Variants in SPIDR observed in about 807,000 individuals in gnomAD.
SPIDR encodes DNA repair-scaffolding protein.
Under a neutral mutation model 104.6 loss-of-function variants are expected in SPIDR, and 93 were observed. The observed-to-expected ratio is 0.89, with a 90% CI of 0.75 to 1.06. SPIDR has a LOEUF of 1.06. SPIDR is among the 50% of genes least tolerant of loss of function. The pLI, the probability that SPIDR is intolerant of heterozygous loss-of-function variation, is 0.00. For synonymous variants in SPIDR, 431 were observed against 416.9 expected (o/e 1.03, Z -0.41); for missense variants, 1,154 against 1,111.2 (o/e 1.04, Z -0.55).
chr8:47,675,982 G>A (rs2076393276), intron 11 of SPIDR, among the ~76,000 whole-genome samples: 1 of 152,244 alleles, frequency 6.6e-6, no homozygotes, highest in Admixed American at 6.5e-5. Flanking sequence ...GGATGTTCCA[G>A]CTGTGCTCCA....
chr8:47,650,472 C>T (rs2071410437), intron 10 of SPIDR, among the ~76,000 whole-genome samples: 1 of 152,100 alleles, frequency 6.6e-6, no homozygotes, highest in Non-Finnish European at 1.5e-5. Context: ...CAAATGTAAG[C>T]ACGTCTCGTC....
intron 10 of SPIDR, among the ~76,000 whole-genome samples, chr8:47,619,070 A>G (rs971160978): frequency 5.9e-5 from 9 of 152,252 alleles, no homozygotes; most frequent in Admixed American, 1.3e-4. Flanking sequence ...TTGAATTTTG[A>G]ACTATGTGAA....
intron 5 of SPIDR, among the ~76,000 whole-genome samples, chr8:47,356,558 G>C (rs1057020750): frequency 6.6e-5 from 10 of 152,196 alleles, no homozygotes; most frequent in African/African-American, 2.2e-4. Context: ...TTGGTCATTT[G>C]AAAACCTATT....
At chr8:47,387,159 C>A (rs2060048645) in intron 5 of SPIDR, among the ~76,000 whole-genome samples, 1 of 152,110 alleles carries the variant, frequency 6.6e-6, no homozygotes, top group African/African-American at 2.4e-5. Context: ...ATGGCATCCA[C>A]AGGCAGGGAA....
At chr8:47,674,485 C>T (rs1056757851) in intron 11 of SPIDR, among the ~76,000 whole-genome samples, 2 of 151,770 alleles carry the variant, frequency 1.3e-5, no homozygotes, top group Admixed American at 1.3e-4. Flanking sequence ...AGTAATCATT[C>T]TAATCTATGA....
intron 8 of SPIDR, among the ~76,000 whole-genome samples, chr8:47,468,168 G>A (rs1383402217): frequency 6.6e-6 from 1 of 152,004 alleles, no homozygotes; most frequent in African/African-American, 2.4e-5. Context: ...AGATCTCTAC[G>A]AGTACTACAA....
In SPIDR at chr8:47,638,156, T is replaced by C. The variant is rs554898356; in HGVS notation, c.1545-35645T>C. ...TGTTTTGTTTTGAGTACTTCTTTAC[T>C]CCCTGTCACTGTAAGATGTGCTAGG... On this transcript the variant is annotated intron_variant, in intron 10 of 19. Coordinates refer to ENST00000297423, the MANE Select transcript of SPIDR (RefSeq NM_001080394.4). 2.6e-5 allele frequency among the ~76,000 whole-genome samples: 4 copies of C among 152,304 alleles called. 1 individual carries two copies. The East Asian group carries it at 7.7e-4, about 29-fold the overall frequency.
At chr8:47,350,719 A>G (rs112170170) in intron 5 of SPIDR, among the ~76,000 whole-genome samples, 2 of 152,212 alleles carry the variant, frequency 1.3e-5, no homozygotes, top group South Asian at 2.1e-4. Flanking sequence ...TCATCATACT[A>G]TGGTCAAGAA....
intron 10 of SPIDR, among the ~76,000 whole-genome samples, chr8:47,639,218 G>A (rs533852091): frequency 1.3e-5 from 2 of 152,290 alleles, no homozygotes; most frequent in African/African-American, 2.4e-5. Flanking sequence ...AATCGTCCAC[G>A]TGTGCTCCTT....
intron 10 of SPIDR, among the ~76,000 whole-genome samples, chr8:47,655,571 T>C (rs561344861): frequency 5.3e-5 from 8 of 152,334 alleles, no homozygotes; most frequent in Admixed American, 1.3e-4. Context: ...TTGATGGGGT[T>C]GTTTGTTTTT....
At chr8:47,583,392 G>C (rs370723902) in intron 8 of SPIDR, among the ~76,000 whole-genome samples, 1 of 151,548 alleles carries the variant, frequency 6.6e-6, no homozygotes, top group Non-Finnish European at 1.5e-5. Context: ...GACTTATCAC[G>C]TGAGATTTAA....
chr8:47,472,927 CT>C (rs1671676455), intron 8 of SPIDR, among the ~76,000 whole-genome samples: 1 of 152,208 alleles, frequency 6.6e-6, no homozygotes, highest in African/African-American at 2.4e-5. Flanking sequence ...AACAATTTCA[CT>C]GCTTAAGAAA....
At chr8:47,491,204 A>G (rs2078652508) in intron 8 of SPIDR, among the ~76,000 whole-genome samples, 1 of 152,152 alleles carries the variant, frequency 6.6e-6, no homozygotes, top group Non-Finnish European at 1.5e-5. Flanking sequence ...TTACTGAAGC[A>G]ATAGTTTTCA....
chr8:47,604,953 G>T (rs182330540), intron 10 of SPIDR, among the ~76,000 whole-genome samples: 2 of 152,158 alleles, frequency 1.3e-5, no homozygotes, highest in East Asian at 3.9e-4. Context: ...TTTTGTTTGC[G>T]GGTGTCAGCA....
At chr8:47,279,778 T>A in intron 1 of SPIDR, 84 bp from the exon 2 acceptor site, 4 of 1,363,108 alleles carry the variant, frequency 2.9e-6, no homozygotes, top group Non-Finnish European at 4.0e-6. Flanking sequence ...GTTTTCAGAT[T>A]GTAAATTGTG....
chr8:47,498,621 A>G lies in SPIDR; in HGVS notation c.1097+58079A>G, dbSNP rs1045450186. 4.6e-5 allele frequency among the ~76,000 whole-genome samples: 7 copies of G among 152,158 alleles called. 1 individual carries two copies. The highest frequency in any genetic ancestry group is 4.1e-4 in the South Asian group (2 of 4,826). ...TTGACTGTTACTGCTGGTATATCCT[A>G]GATACTCTGTGCTATTTTCTGGGCT... On this transcript the variant is annotated intron_variant, in intron 8 of 19. Coordinates refer to ENST00000297423, the MANE Select transcript of SPIDR (RefSeq NM_001080394.4).
intron 8 of SPIDR, among the ~76,000 whole-genome samples, chr8:47,474,453 T>C (rs1446817251): frequency 3.3e-5 from 5 of 152,238 alleles, no homozygotes; most frequent in Admixed American, 6.5e-5. Context: ...TGCCTATTAT[T>C]CTAGCCCCAG....
intron 5 of SPIDR, among the ~76,000 whole-genome samples, chr8:47,302,429 C>A (rs1245864399): frequency 6.6e-6 from 1 of 152,060 alleles, no homozygotes; most frequent in African/African-American, 2.4e-5. Context: ...TCGTCTGAAG[C>A]CTTCTTCTCT....
intron 5 of SPIDR, among the ~76,000 whole-genome samples, chr8:47,393,839 C>G (rs926434406): frequency 4.1e-5 from 6 of 145,774 alleles, no homozygotes; most frequent in Non-Finnish European, 8.9e-5. Flanking sequence ...CTCTCTCTCC[C>G]TTTCCCTTCC....
Sources: gnomAD v4.1 joint callset for allele counts (sites outside exome capture counted in the v4.1 genomes callset) on GRCh38, gnomAD v4.1.1 for gene constraint, MANE v1.5 for transcripts, NCBI Gene and HGNC (gene_info 2026-07-23, HGNC 2026-07-21) for gene names.